Variants in ZSWIM5 observed in about 807,000 individuals in gnomAD.
The protein encoded by ZSWIM5 is zinc finger SWIM-type containing 5, also known as zinc finger SWIM domain-containing protein 5.
A neutral mutation model predicts 119.6 loss-of-function variants in ZSWIM5; 55 were observed. The observed-to-expected ratio is 0.46, with a 90% confidence interval of 0.37 to 0.58. The LOEUF (loss-of-function observed/expected upper bound fraction) is 0.58, where lower values mean the gene tolerates loss of function less well. Among genes scored for constraint, ZSWIM5 ranks in the 20% least tolerant of loss-of-function variants. The pLI is 0.00. For missense variants in ZSWIM5, 1,193 were observed against 1,512.8 expected, an observed-to-expected ratio of 0.79 and a Z score of 3.51; for synonymous variants, 537 against 606.9, an observed-to-expected ratio of 0.88 and a Z score of 1.69.
rs1380754519 is a variant in ZSWIM5, at chr1:45,100,669, C to A, written c.596-12432G>T. ...AAACTATACTACAAGGCTACAGTAACCAAAACAATATGGTACTGGTACCAA... is the reference window on the plus strand; with the variant it reads ...AAACTATACTACAAGGCTACAGTAAACAAAACAATATGGTACTGGTACCAA... On this transcript the variant is annotated intron_variant, in intron 1 of 13. Coordinates refer to ENST00000359600, the MANE Select transcript of ZSWIM5 (RefSeq NM_020883.2). 2.6e-5 allele frequency among the ~76,000 whole-genome samples: 4 copies of A among 152,266 alleles called. No individual in the cohort carries two copies. In the East Asian group the frequency reaches 7.7e-4, roughly 29 times the overall value.
chr1:45,044,353 T>C (rs1645034429), intron 5 of ZSWIM5, among the ~76,000 whole-genome samples: 1 of 151,870 alleles, frequency 6.6e-6, no homozygotes, highest in South Asian at 2.1e-4. Flanking sequence ...TTTGGAAGGC[T>C]GAGGCTGGCG....
chr1:45,079,179 C>A (rs1163593574), intron 2 of ZSWIM5, among the ~76,000 whole-genome samples: 4 of 151,770 alleles, frequency 2.6e-5, no homozygotes, highest in Admixed American at 6.6e-5. Flanking sequence ...CAGAGAACAA[C>A]CCCCTTTGAT....
At chr1:45,092,968 T>A (rs1051135654) in intron 1 of ZSWIM5, among the ~76,000 whole-genome samples, 2 of 152,030 alleles carry the variant, frequency 1.3e-5, no homozygotes, top group Non-Finnish European at 2.9e-5. Context: ...ATCTATCATC[T>A]CCCACTAGTT....
chr1:45,166,710 T>C (rs1645906328), intron 1 of ZSWIM5, among the ~76,000 whole-genome samples: 1 of 151,976 alleles, frequency 6.6e-6, no homozygotes. Flanking sequence ...ATGAGTGAAC[T>C]CCCATTCACA....
At chr1:45,052,130 C>T (rs1024991208) in intron 4 of ZSWIM5, among the ~76,000 whole-genome samples, 3 of 151,564 alleles carry the variant, frequency 2.0e-5, no homozygotes, top group Admixed American at 6.6e-5. Context: ...AGCGCCCCCC[C>T]TCGCACCCCA....
rs140341669 is a variant in ZSWIM5 at position 45,101,410 on chromosome 1, G to A, written c.596-13173C>T. Among the ~76,000 whole-genome samples the A allele has an allele frequency of 2.9e-3, 436 of 152,324 alleles. 4 individuals are homozygous for A. Among genetic ancestry groups the A allele is most frequent in the African/African-American group, 0.01 (426 of 41,580 alleles). On this transcript the variant is annotated intron_variant, in intron 1 of 13. Transcript: ENST00000359600. ...GGAAACAACAGATGCTGGAGAGGAT[G>A]TGGAGAAATAGGAATGCTTTACACT...
intron 1 of ZSWIM5, among the ~76,000 whole-genome samples, chr1:45,125,352 C>A (rs1645614523): frequency 6.6e-6 from 1 of 151,574 alleles, no homozygotes; most frequent in South Asian, 2.1e-4. Context: ...ATCCAGGGGT[C>A]AAAGAAGTCT....
intron 1 of ZSWIM5, among the ~76,000 whole-genome samples, chr1:45,148,767 AG>A (rs1645777787): frequency 6.6e-6 from 1 of 152,258 alleles, no homozygotes; most frequent in Non-Finnish European, 1.5e-5. Flanking sequence ...AGCTATACAC[AG>A]TGATAGCCTC....
chr1:45,174,287 A>G (rs1645962391), intron 1 of ZSWIM5, among the ~76,000 whole-genome samples: 2 of 152,126 alleles, frequency 1.3e-5, no homozygotes, highest in South Asian at 4.1e-4. Flanking sequence ...AAAACAAAAC[A>G]AAATATGAAA....
intron 1 of ZSWIM5, among the ~76,000 whole-genome samples, chr1:45,155,601 T>C (rs1360092607): frequency 6.6e-6 from 1 of 152,142 alleles, no homozygotes; most frequent in Non-Finnish European, 1.5e-5. Context: ...GCTATAAACC[T>C]GCAACTGCAA....
At chr1:45,109,765 A>G (rs1189903246) in intron 1 of ZSWIM5, among the ~76,000 whole-genome samples, 1 of 151,156 alleles carries the variant, frequency 6.6e-6, no homozygotes, top group Non-Finnish European at 1.5e-5. Flanking sequence ...AAAGAATGTT[A>G]TTCCTCACAT....
intron 1 of ZSWIM5, among the ~76,000 whole-genome samples, chr1:45,110,609 T>A (rs1645510622): frequency 6.6e-6 from 1 of 152,204 alleles, no homozygotes; most frequent in Non-Finnish European, 1.5e-5. Flanking sequence ...CTCAAAAGTC[T>A]TGGACCACAC....
intron 1 of ZSWIM5, among the ~76,000 whole-genome samples, chr1:45,187,675 G>T (rs1490042231): frequency 2.6e-5 from 4 of 151,792 alleles, no homozygotes; most frequent in Non-Finnish European, 5.9e-5. Context: ...CACAAAATGG[G>T]AAAATATATT....
chr1:45,171,635 C>CA (rs779758803), intron 1 of ZSWIM5, among the ~76,000 whole-genome samples: 3 of 151,948 alleles, frequency 2.0e-5, no homozygotes, highest in Non-Finnish European at 4.4e-5. Context: ...ATCAGAACCA[C>CA]AAAAGTGCAA....
At position 45,036,090 on chromosome 1, in the gene ZSWIM5, C is replaced by T. The variant is rs948535858; in HGVS notation, c.2104G>A (p.Asp702Asn). ...LLSQLQELQL[D>N]DELVQTLQKQ... Reference sequence around the variant, plus strand: ...TGCAGTGTTTGCACTAGCTCATCGTCCAGCTGCAGCTCTTGGAGTTGGCTC... The same window carrying T: ...TGCAGTGTTTGCACTAGCTCATCGTTCAGCTGCAGCTCTTGGAGTTGGCTC... Residue 702 changes from aspartate (D) to asparagine (N), a missense_variant, in exon 9 of 14, where the codon GAC becomes AAC. Transcript: ENST00000359600. 1 of 1,614,192 alleles carries T rather than the reference C, an allele frequency of 6.2e-7. No individual in the cohort carries two copies. The highest frequency in any genetic ancestry group is 1.3e-5 in the African/African-American group (1 of 75,040).
At chr1:45,161,084 A>G (rs1645861637) in intron 1 of ZSWIM5, among the ~76,000 whole-genome samples, 1 of 150,852 alleles carries the variant, frequency 6.6e-6, no homozygotes, top group African/African-American at 2.4e-5. Flanking sequence ...TCGGCCTCCC[A>G]AAGTGCTGGG....
intron 2 of ZSWIM5, chr1:45,070,138 C>T (rs552201121): frequency 9.5e-4 from 1,076 of 1,130,246 alleles, no homozygotes; most frequent in Non-Finnish European, 1.3e-3. Context: ...AAACCTAAAC[C>T]TCCCACTGTA....
At position 45,169,812 on chromosome 1, in the gene ZSWIM5, A is replaced by G. The variant is rs144501055; in HGVS notation, c.595+35944T>C. 3.3e-3 allele frequency among the ~76,000 whole-genome samples: 507 copies of G among 152,244 alleles called. 6 individuals carry two copies. Among genetic ancestry groups the G allele is most frequent in the African/African-American group, 0.011 (466 of 41,582 alleles). The stretch of plus-strand genomic sequence containing the variant: ...CTGTATTAGATGGTAGAATCTGAAT[A>G]CTTTCGTTAGCATTTCTTACATCAC... On this transcript the variant is annotated intron_variant, in intron 1 of 13. Transcript: ENST00000359600.
chr1:45,146,688 C>T (rs916152270), intron 1 of ZSWIM5, among the ~76,000 whole-genome samples: 1 of 145,488 alleles, frequency 6.9e-6, no homozygotes, highest in Non-Finnish European at 1.5e-5. Flanking sequence ...GATCCACCCG[C>T]CTCAGCCTTC....
Sources: allele counts gnomAD v4.1 joint callset (sites outside exome capture counted in the v4.1 genomes callset), GRCh38; gene constraint gnomAD v4.1.1; transcripts MANE v1.5; gene names NCBI Gene and HGNC (gene_info 2026-07-23, HGNC 2026-07-21).